Variants in DIPK2B observed in about 807,000 individuals in gnomAD.
DIPK2B encodes the protein divergent protein kinase domain 2B, also known as UPF0672 protein CXorf36.
DIPK2B carries 15 observed loss-of-function variants against 22.2 expected under a neutral mutation model. The ratio of observed to expected loss-of-function variants is 0.68; its 90% confidence interval spans 0.45 to 1.04. DIPK2B has a LOEUF of 1.04. Ranked by LOEUF, DIPK2B falls within the 50% of genes least tolerant of loss-of-function variation. The pLI is 0.00. For synonymous variants in DIPK2B, 163 were observed against 153.2 expected, an observed-to-expected ratio of 1.06 and a Z score of -0.47; for missense variants, 345 against 348.3, an observed-to-expected ratio of 0.99 and a Z score of 0.08.
At chrX:45,190,667 C>T (rs978706423) in intron 2 of DIPK2B, among the ~76,000 whole-genome samples, 1 of 112,039 alleles carries the variant, frequency 8.9e-6, no homozygotes, top group African/African-American at 3.3e-5. Context: ...GCTCCTTCTT[C>T]TCACTTTGCC....
intron 3 of DIPK2B, 52 bp downstream of exon 3, chrX:45,157,663 G>A: frequency 3.6e-6 from 4 of 1,113,335 alleles, no homozygotes; most frequent in Non-Finnish European, 3.6e-6. Flanking sequence ...GGAGGCTTCT[G>A]GGAGTCCAAG....
intron 2 of DIPK2B, among the ~76,000 whole-genome samples, chrX:45,189,483 G>A (rs909392640): frequency 9.0e-6 from 1 of 111,110 alleles, no homozygotes; most frequent in East Asian, 2.8e-4. Flanking sequence ...GTGTGGTGGC[G>A]GCACCTGTAA....
chrX:45,178,185 C>T (rs1222387555), intron 2 of DIPK2B, among the ~76,000 whole-genome samples: 2 of 112,216 alleles, frequency 1.8e-5, no homozygotes, highest in African/African-American at 6.5e-5. Flanking sequence ...TTGGTATATG[C>T]TGGGCTGAAA....
chrX:45,198,037 A>G (rs1013734511), intron 1 of DIPK2B, among the ~76,000 whole-genome samples: 2 of 112,681 alleles, frequency 1.8e-5, no homozygotes, highest in Non-Finnish European at 3.7e-5. Flanking sequence ...AATACCATGA[A>G]CCTGTTAAAA....
intron 2 of DIPK2B, among the ~76,000 whole-genome samples, chrX:45,173,422 G>C (rs187037469): frequency 2.7e-5 from 3 of 110,822 alleles, no homozygotes; most frequent in African/African-American, 9.8e-5. Flanking sequence ...AGAGTTCATG[G>C]AGGAGCCGGT....
At chrX:45,161,682 T>C (rs1273628628) in intron 2 of DIPK2B, among the ~76,000 whole-genome samples, 2 of 112,218 alleles carry the variant, frequency 1.8e-5, no homozygotes, top group Non-Finnish European at 3.8e-5. Context: ...AGTGATTGAC[T>C]GTGAGATGAG....
intron 2 of DIPK2B, among the ~76,000 whole-genome samples, chrX:45,187,775 C>T (rs760909946): frequency 5.7e-4 from 63 of 111,381 alleles, no homozygotes; most frequent in Non-Finnish European, 1.1e-3. Flanking sequence ...TCCTCCCTTT[C>T]GTTTACTTTT....
At chrX:45,153,646 G>C (rs986195483) in intron 4 of DIPK2B, among the ~76,000 whole-genome samples, 1 of 110,586 alleles carries the variant, frequency 9.0e-6, no homozygotes, top group Non-Finnish European at 1.9e-5. Context: ...GGAGGGTGCA[G>C]CTGGGGCTGT....
At chrX:45,188,418 C>T (rs1214578653) in intron 2 of DIPK2B, among the ~76,000 whole-genome samples, 1 of 111,970 alleles carries the variant, frequency 8.9e-6, no homozygotes. Context: ...GCTTTACATG[C>T]AAATGGCTTC....
chrX:45,178,978 G>A (rs1467053184), intron 2 of DIPK2B, among the ~76,000 whole-genome samples: 2 of 111,104 alleles, frequency 1.8e-5, no homozygotes, highest in African/African-American at 6.6e-5. Context: ...TAGGAGTAAG[G>A]GTGAGACCAA....
chrX:45,179,964 C>T (rs1047861585), intron 2 of DIPK2B, among the ~76,000 whole-genome samples: 1 of 111,351 alleles, frequency 9.0e-6, no homozygotes, highest in Non-Finnish European at 1.9e-5. Context: ...AAACTTATAG[C>T]TAACATTCCT....
intron 2 of DIPK2B, among the ~76,000 whole-genome samples, chrX:45,158,447 C>T (rs192827776): frequency 2.7e-5 from 3 of 111,645 alleles, no homozygotes; most frequent in Non-Finnish European, 5.7e-5. Flanking sequence ...TGGGCTCTTT[C>T]GATTCCTTCT....
chrX:45,179,482 T>C (rs1330580608), intron 2 of DIPK2B, among the ~76,000 whole-genome samples: 1 of 110,694 alleles, frequency 9.0e-6, no homozygotes, highest in African/African-American at 3.3e-5. Flanking sequence ...AAACAAGGAA[T>C]TAAAAGTAAG....
intron 1 of DIPK2B, among the ~76,000 whole-genome samples, chrX:45,197,471 C>T (rs189784635): frequency 9.0e-6 from 1 of 111,564 alleles, no homozygotes; most frequent in Admixed American, 9.5e-5. Context: ...CTCCTGACCT[C>T]GTGATTTGCC....
intron 2 of DIPK2B, among the ~76,000 whole-genome samples, chrX:45,181,806 C>T (rs1471940337): frequency 8.9e-6 from 1 of 111,799 alleles, no homozygotes; most frequent in Non-Finnish European, 1.9e-5. Context: ...ATTAAAAGTG[C>T]TAACCATAAA....
In DIPK2B at chrX:45,191,725, C is replaced by T. The variant is rs763680493; in HGVS notation, c.498+26G>A. 5 of 1,196,038 alleles carry T rather than the reference C, an allele frequency of 4.2e-6. No homozygotes were observed. The African/African-American group carries it at 5.3e-5, about 13-fold the overall frequency. ...CTCTTTCTCATCATCCCCTTCACAC[C>T]CCCTTCCCATGGCCTTCACACTCAC... On this transcript the variant is annotated intron_variant, in intron 2 of 4. Transcript: ENST00000398000.
intron 2 of DIPK2B, among the ~76,000 whole-genome samples, chrX:45,170,525 T>C (rs1183184155): frequency 8.9e-6 from 1 of 112,568 alleles, no homozygotes; most frequent in African/African-American, 3.2e-5. Context: ...TTGGCTTCTT[T>C]TAGAGTGTGC....
rs552951070 is a variant in DIPK2B at position 45,170,487 on chromosome X, G to C, written c.499-12599C>G. ...ATGCTTTGTAAATACCATTTCAATT[G>C]CTGGTTCTGTGACTTGGCCAGTGTG... On this transcript the variant is annotated intron_variant, in intron 2 of 4. Coordinates refer to ENST00000398000, the MANE Select transcript of DIPK2B (RefSeq NM_176819.4). Among the ~76,000 whole-genome samples, 50 of 112,285 alleles carry C rather than the reference G, an allele frequency of 4.5e-4. 2 individuals are homozygous for C. The South Asian group carries it at 0.019, about 42-fold the overall frequency.
chrX:45,190,405 A>C (rs745807532), intron 2 of DIPK2B, among the ~76,000 whole-genome samples: 4 of 111,540 alleles, frequency 3.6e-5, no homozygotes, highest in Non-Finnish European at 7.5e-5. Context: ...GCTTAAATCC[A>C]AGGTCAATTG....
Sources: gnomAD v4.1 joint callset for allele counts (sites outside exome capture counted in the v4.1 genomes callset) on GRCh38, gnomAD v4.1.1 for gene constraint, MANE v1.5 for transcripts, NCBI Gene and HGNC (gene_info 2026-07-23, HGNC 2026-07-21) for gene names.